The following PSD3 variants were observed in gnomAD, a reference collection of about 807,000 sequenced individuals.
The protein encoded by PSD3 is PH and SEC7 domain-containing protein 3.
In PSD3, 49 loss-of-function variants were observed where a neutral mutation model predicts 105.5. The observed-to-expected ratio is 0.46, with a 90% CI of 0.37 to 0.59. PSD3 has a LOEUF of 0.59. Ranked by LOEUF, PSD3 falls within the 20% of genes least tolerant of loss-of-function variation. The pLI is 0.00. For missense variants in PSD3, 1,561 were observed against 1,263.8 expected (o/e 1.24, Z -3.57); for synonymous variants, 557 against 457.8 (o/e 1.22, Z -2.77).
intron 2 of PSD3, among the ~76,000 whole-genome samples, chr8:18,916,198 A>G (rs982517281): frequency 2.6e-5 from 4 of 151,260 alleles, no homozygotes; most frequent in Non-Finnish European, 5.9e-5. Context: ...TGTCAAAGAG[A>G]TATCTGCATT....
intron 9 of PSD3, among the ~76,000 whole-genome samples, chr8:18,725,853 C>T (rs1467856695): frequency 2.0e-5 from 3 of 152,000 alleles, no homozygotes; most frequent in African/African-American, 7.3e-5. Context: ...AAATTAGTGG[C>T]ACCAATGGCA....
At chr8:18,714,592 A>C (rs1180972189) in intron 9 of PSD3, among the ~76,000 whole-genome samples, 1 of 152,218 alleles carries the variant, frequency 6.6e-6, no homozygotes, top group Non-Finnish European at 1.5e-5. Context: ...ACCATTTCAC[A>C]CCAGTCAGAA....
chr8:18,987,445 G>C (rs1033376881), intron 1 of PSD3, among the ~76,000 whole-genome samples: 1 of 151,932 alleles, frequency 6.6e-6, no homozygotes, highest in Admixed American at 6.6e-5. Flanking sequence ...CCGCCACCAC[G>C]CCTGGCTAAT....
chr8:18,627,208 A>C (rs1490700311), intron 11 of PSD3, among the ~76,000 whole-genome samples: 1 of 152,098 alleles, frequency 6.6e-6, no homozygotes, highest in African/African-American at 2.4e-5. Flanking sequence ...GGAAGAGGGT[A>C]CCTAAACAGA....
intron 11 of PSD3, among the ~76,000 whole-genome samples, chr8:18,611,251 GAAAAAA>G (rs138669050): frequency 7.8e-6 from 1 of 128,894 alleles, no homozygotes. Flanking sequence ...TAGGATTTTG[GAAAAAA>G]AAAAAAAAAA....
At chr8:18,630,643 T>C (rs1806827601) in intron 11 of PSD3, among the ~76,000 whole-genome samples, 2 of 151,966 alleles carry the variant, frequency 1.3e-5, no homozygotes, top group Admixed American at 6.6e-5. Flanking sequence ...TTTTGACTTT[T>C]CTTGAATTGA....
At chr8:18,616,366 T>C (rs951810362) in intron 11 of PSD3, among the ~76,000 whole-genome samples, 21 of 152,240 alleles carry the variant, frequency 1.4e-4, no homozygotes, top group Non-Finnish European at 2.5e-4. Context: ...GAAGTAGCTC[T>C]GCAAAGCTAT....
At chr8:18,632,483 A>C in intron 11 of PSD3, 130 bp downstream of exon 11, 1 of 978,986 alleles carries the variant, frequency 1.0e-6, no homozygotes. Flanking sequence ...TAGAGGCTTT[A>C]TCCAATTTCA....
intron 1 of PSD3, among the ~76,000 whole-genome samples, chr8:19,052,752 G>A (rs543465596): frequency 2.0e-4 from 30 of 152,156 alleles, no homozygotes; most frequent in African/African-American, 6.7e-4. Flanking sequence ...TCTTGGTGAC[G>A]GCTGAAGGTC....
rs371609108 is a variant in PSD3 at position 18,699,050 on chromosome 8, G to C, written c.2173-43365C>G. On this transcript the variant is annotated intron_variant, in intron 9 of 15. Transcript: ENST00000327040. ...GTTACCTGGTGTGGCAGAGATGCCT[G>C]TTTGTCCACCTAAATCCCTTCTTCC... 2.6e-5 allele frequency among the ~76,000 whole-genome samples: 4 copies of C among 152,286 alleles called. No homozygotes were observed. In the East Asian group the frequency reaches 7.7e-4, roughly 29 times the overall value.
intron 9 of PSD3, among the ~76,000 whole-genome samples, chr8:18,706,579 A>G (rs1801914867): frequency 6.6e-6 from 1 of 152,250 alleles, no homozygotes; most frequent in African/African-American, 2.4e-5. Flanking sequence ...CCATCCATGC[A>G]CAATCCAGGG....
chr8:18,740,062 A>C (rs1041728231), intron 9 of PSD3, among the ~76,000 whole-genome samples: 1 of 152,192 alleles, frequency 6.6e-6, no homozygotes, highest in Non-Finnish European at 1.5e-5. Flanking sequence ...AGATGTTCCT[A>C]TCAACCAGAG....
At chr8:18,895,801 G>A (rs1447186146) in intron 2 of PSD3, among the ~76,000 whole-genome samples, 2 of 152,040 alleles carry the variant, frequency 1.3e-5, no homozygotes, top group Non-Finnish European at 2.9e-5. Context: ...TCTTTGTGTT[G>A]AAAACATTAA....
intron 1 of PSD3, among the ~76,000 whole-genome samples, chr8:19,059,302 C>T (rs902305426): frequency 1.3e-5 from 2 of 152,220 alleles, no homozygotes; most frequent in Non-Finnish European, 1.5e-5. Context: ...TCCTTAGACC[C>T]CCTTTACCTG....
intron 9 of PSD3, among the ~76,000 whole-genome samples, chr8:18,741,060 T>C (rs1449326550): frequency 1.3e-5 from 2 of 152,086 alleles, no homozygotes; most frequent in East Asian, 1.9e-4. Context: ...GATCCTAACA[T>C]AAAAAGGGAT....
chr8:18,718,163 C>T lies in PSD3; in HGVS notation c.2172+47286G>A, dbSNP rs925255038. ...AGCAGCTGCCACACCCCTACCCTGT[C>T]GCCATTTCCTAAAACAACACCCTCA... is the stretch of plus-strand genomic sequence containing the variant. On this transcript the variant is annotated intron_variant, in intron 9 of 15. Transcript: ENST00000327040. 1.1e-4 allele frequency among the ~76,000 whole-genome samples: 17 copies of T among 152,180 alleles called. No individual in the cohort carries two copies. In the South Asian group the frequency reaches 1.4e-3, roughly 13 times the overall value.
At chr8:18,818,738 C>T in intron 4 of PSD3, among the ~76,000 whole-genome samples, 1 of 152,096 alleles carries the variant, frequency 6.6e-6, no homozygotes, top group East Asian at 1.9e-4. Context: ...TCTTTAAAAT[C>T]AGTTGGGAAG....
intron 1 of PSD3, among the ~76,000 whole-genome samples, chr8:19,009,073 A>G (rs73594619): frequency 0.022 from 3,412 of 152,332 alleles, 141 homozygotes; most frequent in African/African-American, 0.078. Context: ...GTGAATTCCA[A>G]TTAATGACAC....
chr8:18,801,390 A>G lies in PSD3; in HGVS notation c.1911-8T>C, dbSNP rs779844780. 6.5e-7 allele frequency: 1 copy of G among 1,534,538 alleles called. No homozygotes were observed. The highest frequency in any genetic ancestry group is 1.8e-5 in the Admixed American group (1 of 54,444). ...AATGCTTTAAAGAAATACCTACAAG[A>G]GAATTAAAAATTTAAACAGTGAAAT... On this transcript the variant is annotated splice_region_variant and splice_polypyrimidine_tract_variant and intron_variant, in intron 6 of 15. Coordinates refer to ENST00000327040, the MANE Select transcript of PSD3 (RefSeq NM_015310.4).
Sources: gnomAD v4.1 joint callset for allele counts (sites outside exome capture counted in the v4.1 genomes callset) on GRCh38, gnomAD v4.1.1 for gene constraint, MANE v1.5 for transcripts, NCBI Gene and HGNC (gene_info 2026-07-23, HGNC 2026-07-21) for gene names.